The following MALAT1 variants were observed in gnomAD, a reference collection of about 807,000 sequenced individuals.
MALAT1 encodes hepcarcin.
At chr11:65,505,939 A>G (rs769738149) in intron 3 of MALAT1, 3 of 436,596 alleles carry the variant, frequency 6.9e-6, no homozygotes, top group South Asian at 3.5e-5. Flanking sequence ...ATTCTCTGCT[A>G]AGACTTTTTC....
chr11:65,506,416 C>A (rs1854700237), exon 4 of MALAT1: 1 of 378,080 alleles, frequency 2.6e-6, no homozygotes, highest in Non-Finnish European at 5.2e-6. Context: ...TTTTGAGAAG[C>A]CCTACTGCTG....
intron 3 of MALAT1, chr11:65,504,109 G>C (rs746253087): frequency 5.8e-6 from 3 of 516,806 alleles, no homozygotes; most frequent in Non-Finnish European, 1.2e-5. Context: ...TGCCTGTGGG[G>C]TTTTAAAGAA....
chr11:65,504,506 G>C (rs1350544574), intron 3 of MALAT1: 1 of 518,832 alleles, frequency 1.9e-6, no homozygotes, highest in East Asian at 5.4e-5. Flanking sequence ...CCAGCTGAGT[G>C]ATAAAGGCTG....
Position 65,500,163 on chromosome 11 carries a change from G to A in MALAT1, n.1426G>A, listed in dbSNP as rs751088376. The A allele has an allele frequency of 5.9e-6, 3 of 504,438 alleles. No homozygotes were observed. The Admixed American group carries it at 6.2e-5, about 10-fold the overall frequency. The allele number at this position is 504,438 out of a possible 1,614,324, so 31.2% of individuals were successfully genotyped here. ...AGTTGGTTAAAAATCACATCAAAAA[G>A]CTACTAAAAGGACTGGTGTAATTTA... On this transcript the variant is annotated non_coding_transcript_exon_variant, in exon 3 of 4. Coordinates refer to ENST00000619449, the Ensembl canonical transcript of MALAT1.
intron 1 of MALAT1, chr11:65,498,367 A>G (rs979296731): frequency 7.7e-6 from 4 of 518,132 alleles, no homozygotes; most frequent in Non-Finnish European, 1.2e-5. Flanking sequence ...GCCGCAGATC[A>G]GAGTGGGCCA....
At chr11:65,499,349 G>C (rs1197343526) in exon 3 of MALAT1, 1 of 495,318 alleles carries the variant, frequency 2.0e-6, no homozygotes, top group East Asian at 5.7e-5. Flanking sequence ...GTATTTAAAA[G>C]AAAATTGAGA....
intron 1 of MALAT1, chr11:65,498,282 T>C (rs1555053437): frequency 5.8e-6 from 3 of 518,704 alleles, no homozygotes; most frequent in South Asian, 2.8e-5. Context: ...GTGAGCACTT[T>C]CAGGAGAGCC....
chr11:65,498,352 G>C (rs995833622), intron 1 of MALAT1: 5 of 516,278 alleles, frequency 9.7e-6, no homozygotes, highest in Non-Finnish European at 1.9e-5. Context: ...GGCGGCAACT[G>C]GGGGGCCGCA....
At chr11:65,502,594 G>A (rs1332985003) in exon 3 of MALAT1, 2 of 480,850 alleles carry the variant, frequency 4.2e-6, no homozygotes, top group Admixed American at 5.1e-5. Flanking sequence ...TAGAGGGTGG[G>A]CTTTTGTTGA....
exon 3 of MALAT1, chr11:65,499,014 CTA>C (rs1565673531): frequency 7.7e-6 from 4 of 518,690 alleles, no homozygotes; most frequent in Non-Finnish European, 1.5e-5. Context: ...TGTTCTCCGT[CTA>C]TAAATACGCC....
At chr11:65,505,218 AG>A (rs1363604635) in intron 3 of MALAT1, 1 of 518,508 alleles carries the variant, frequency 1.9e-6, no homozygotes, top group Non-Finnish European at 3.8e-6. Context: ...GAAGGCTTAA[AG>A]TAGGACAACC....
At chr11:65,504,005 T>A (rs1166489350) in intron 3 of MALAT1, 2 of 517,398 alleles carry the variant, frequency 3.9e-6, no homozygotes, top group South Asian at 2.8e-5. Flanking sequence ...CTTTTTCACA[T>A]TTCCAAAGTT....
exon 2 of MALAT1, chr11:65,498,707 CAA>C (rs1854461365): frequency 1.9e-6 from 1 of 518,460 alleles, no homozygotes; most frequent in Non-Finnish European, 3.8e-6. Context: ...TACTGTCCCT[CAA>C]GAGAACACAA....
chr11:65,502,655 C>T (rs757054383), exon 3 of MALAT1: 7 of 482,676 alleles, frequency 1.5e-5, no homozygotes, highest in East Asian at 5.5e-5. Context: ...CAGATAACAT[C>T]TTCTGAGTCA....
At chr11:65,499,709 G>A (rs1854495572) in exon 3 of MALAT1, 1 of 432,910 alleles carries the variant, frequency 2.3e-6, no homozygotes, top group Non-Finnish European at 4.5e-6. Flanking sequence ...GAATAGAGAA[G>A]ATAGGGAAAT....
chr11:65,503,857 C>T (rs1854611179), exon 3 of MALAT1: 1 of 518,366 alleles, frequency 1.9e-6, no homozygotes, highest in Non-Finnish European at 3.9e-6. Context: ...ATTCCAGGCA[C>T]ATGGCAATAG....
chr11:65,504,308 C>A, intron 3 of MALAT1: 1 of 464,910 alleles, frequency 2.2e-6, no homozygotes, highest in Non-Finnish European at 4.2e-6. Flanking sequence ...CTTGTTGTAG[C>A]TTTTTTTTTT....
intron 1 of MALAT1, chr11:65,498,582 G>T (rs745487379): frequency 1.9e-6 from 1 of 518,740 alleles, no homozygotes; most frequent in Non-Finnish European, 3.9e-6. Flanking sequence ...GAGAAAGTCC[G>T]CCATTTTGCC....
chr11:65,498,704 C>G (rs748566844), exon 2 of MALAT1: 2 of 518,528 alleles, frequency 3.9e-6, no homozygotes, highest in East Asian at 1.1e-4. Context: ...ACCTACTGTC[C>G]CTCAAGAGAA....
Sources: gnomAD v4.1 joint callset for allele counts on GRCh38, gnomAD v4.1.1 for gene constraint, MANE v1.5 for transcripts, NCBI Gene and HGNC (gene_info 2026-07-23, HGNC 2026-07-21) for gene names.